The following GAB2 variants were observed in gnomAD, a reference collection of about 807,000 sequenced individuals.
GAB2 encodes the protein GRB2 associated binding protein 2, also known as GRB2-associated-binding protein 2.
GAB2 carries 26 observed loss-of-function variants against 65.5 expected under a neutral mutation model. That is an observed-to-expected ratio of 0.40 (90% CI 0.29 to 0.55). The LOEUF (loss-of-function observed/expected upper bound fraction) is 0.55, where lower values mean the gene tolerates loss of function less well. Ranked by LOEUF, GAB2 falls within the 20% of genes least tolerant of loss-of-function variation. The probability of loss-of-function intolerance (pLI) is 0.53; values close to 1 mark genes in which losing one functional copy is unlikely to be tolerated. For synonymous variants in GAB2, 321 were observed against 329.6 expected, an observed-to-expected ratio of 0.97 and a Z score of 0.28; for missense variants, 884 against 875.8, an observed-to-expected ratio of 1.01 and a Z score of -0.12.
At chr11:78,321,204 G>A (rs543969802) in intron 1 of GAB2, among the ~76,000 whole-genome samples, 8 of 152,118 alleles carry the variant, frequency 5.3e-5, no homozygotes, top group Non-Finnish European at 7.4e-5. Context: ...CTGTACCAAG[G>A]ACTTATTAAC....
chr11:78,310,341 A>T (rs2134642373), intron 1 of GAB2, among the ~76,000 whole-genome samples: 1 of 136,172 alleles, frequency 7.3e-6, no homozygotes, highest in Admixed American at 7.5e-5. Context: ...TCTCTACTAA[A>T]AATACAAAAA....
At chr11:78,368,264 T>C (rs1856524247) in intron 1 of GAB2, among the ~76,000 whole-genome samples, 1 of 152,198 alleles carries the variant, frequency 6.6e-6, no homozygotes, top group Non-Finnish European at 1.5e-5. Context: ...ACTCAACCAA[T>C]GCATCTGCCT....
At chr11:78,230,798 G>A (rs559829260) in intron 3 of GAB2, among the ~76,000 whole-genome samples, 25 of 152,364 alleles carry the variant, frequency 1.6e-4, no homozygotes, top group Admixed American at 1.6e-3. Context: ...CCCCCACTGC[G>A]CAAACCATGC....
At chr11:78,342,245 G>A (rs1856108670) in intron 1 of GAB2, among the ~76,000 whole-genome samples, 1 of 152,134 alleles carries the variant, frequency 6.6e-6, no homozygotes, top group South Asian at 2.1e-4. Context: ...CTCTTCTCAA[G>A]ATCATTCTCA....
rs116742542 is a variant in GAB2 at position 78,386,243 on chromosome 11, C to A, written c.75+31403G>T. 1.8e-3 allele frequency among the ~76,000 whole-genome samples: 269 copies of A among 152,284 alleles called. 2 individuals are homozygous for A. Among genetic ancestry groups the A allele is most frequent in the Middle Eastern group, 6.8e-3 (2 of 294 alleles). On this transcript the variant is annotated intron_variant, in intron 1 of 9. Coordinates refer to ENST00000361507, the MANE Select transcript of GAB2 (RefSeq NM_080491.3). ...AACAGAAAGAGGATTCAGTGTTTGC[C>A]CTGGGAGAAGTGCCCCATTCTAGTT...
intron 3 of GAB2, 56 bp downstream of exon 3, chr11:78,250,101 G>A: frequency 6.3e-7 from 1 of 1,583,594 alleles, no homozygotes; most frequent in Non-Finnish European, 8.6e-7. Context: ...GGACTGAAAA[G>A]TACTAGGCCC....
chr11:78,404,276 C>T (rs151022415), intron 1 of GAB2, among the ~76,000 whole-genome samples: 20 of 152,318 alleles, frequency 1.3e-4, no homozygotes, highest in Non-Finnish European at 2.6e-4. Context: ...GGCACAGTGG[C>T]TCATGCCTTT....
intron 1 of GAB2, among the ~76,000 whole-genome samples, chr11:78,380,361 T>G (rs1856682354): frequency 6.6e-6 from 1 of 152,170 alleles, no homozygotes. Flanking sequence ...CGTGCCACCA[T>G]GCCCAGCTAA....
chr11:78,351,953 C>T (rs1000552253), intron 1 of GAB2, among the ~76,000 whole-genome samples: 38 of 152,160 alleles, frequency 2.5e-4, no homozygotes, highest in African/African-American at 8.0e-4. Context: ...TGGCTCACAC[C>T]TGTAATACCA....
At chr11:78,250,445 T>G (rs1590966470) in intron 2 of GAB2, 45 bp from the exon 3 acceptor site, 2 of 1,556,758 alleles carry the variant, frequency 1.3e-6, no homozygotes, top group East Asian at 4.5e-5. Flanking sequence ...GAAGGAAATG[T>G]ATCCTTATCC....
chr11:78,316,153 T>C (rs1855599262), intron 1 of GAB2, among the ~76,000 whole-genome samples: 2 of 152,154 alleles, frequency 1.3e-5, no homozygotes, highest in African/African-American at 2.4e-5. Context: ...GTGGGTGTCC[T>C]GCCTTTGGGA....
intron 2 of GAB2, among the ~76,000 whole-genome samples, chr11:78,278,695 C>A (rs1378066645): frequency 6.7e-6 from 1 of 149,718 alleles, no homozygotes; most frequent in Non-Finnish European, 1.5e-5. Flanking sequence ...CCTTTTAATT[C>A]GTTTCTTATT....
At position 78,253,909 on chromosome 11, in the gene GAB2, C is replaced by T. The variant is rs541754043; in HGVS notation, c.377-3509G>A. Among the ~76,000 whole-genome samples the T allele has an allele frequency of 3.3e-5, 5 of 152,320 alleles. No homozygotes were observed. In the South Asian group the frequency reaches 6.2e-4, roughly 19 times the overall value. ...CGAGTTTCCTCAGTATTACAATAAA[C>T]GCCATTGACACAACCTACTTATTCT... On this transcript the variant is annotated intron_variant, in intron 2 of 9. Coordinates refer to ENST00000361507, the MANE Select transcript of GAB2 (RefSeq NM_080491.3).
chr11:78,378,677 T>C (rs2134736152), intron 1 of GAB2, among the ~76,000 whole-genome samples: 1 of 152,298 alleles, frequency 6.6e-6, no homozygotes, highest in Admixed American at 6.5e-5. Context: ...TTTTGTTTCT[T>C]TGAAACAGGA....
chr11:78,281,024 G>A (rs1866320278), intron 1 of GAB2, 123 bp from the exon 2 acceptor site: 1 of 743,360 alleles, frequency 1.3e-6, no homozygotes, highest in East Asian at 2.6e-5. Context: ...CACAATCAAA[G>A]CTCACTGCAA....
At chr11:78,381,652 T>G (rs370164289) in intron 1 of GAB2, among the ~76,000 whole-genome samples, 1 of 150,590 alleles carries the variant, frequency 6.6e-6, no homozygotes. Context: ...AACATGTTAC[T>G]AAAAACTAAA....
intron 3 of GAB2, among the ~76,000 whole-genome samples, chr11:78,239,596 G>T (rs1186871130): frequency 6.6e-6 from 1 of 152,162 alleles, no homozygotes; most frequent in Admixed American, 6.5e-5. Context: ...GAAACTCGAT[G>T]AACCAGAAAC....
At chr11:78,409,758 A>G (rs541418926) in intron 1 of GAB2, among the ~76,000 whole-genome samples, 6 of 152,362 alleles carry the variant, frequency 3.9e-5, no homozygotes, top group Admixed American at 2.0e-4. Flanking sequence ...ATATATCACT[A>G]TCAATCAAAA....
Position 78,382,034 on chromosome 11 carries a change from A to G in GAB2, c.75+35612T>C, listed in dbSNP as rs190898463. Reference sequence around the variant, plus strand: ...CCAGCGTGTCAGTAACAAGTTTTACAAGTTGTTCCCTTTGGCTAAAAGACC... The same window carrying G: ...CCAGCGTGTCAGTAACAAGTTTTACGAGTTGTTCCCTTTGGCTAAAAGACC... On this transcript the variant is annotated intron_variant, in intron 1 of 9. Coordinates refer to ENST00000361507, the MANE Select transcript of GAB2 (RefSeq NM_080491.3). Among the ~76,000 whole-genome samples the G allele has an allele frequency of 2.0e-5, 3 of 152,342 alleles. No individual in the cohort carries two copies. The East Asian group carries it at 5.8e-4, about 29-fold the overall frequency.
Sources: gnomAD v4.1 joint callset for allele counts (sites outside exome capture counted in the v4.1 genomes callset) on GRCh38, gnomAD v4.1.1 for gene constraint, MANE v1.5 for transcripts, NCBI Gene and HGNC (gene_info 2026-07-23, HGNC 2026-07-21) for gene names.